CARMIL1: variants seen among roughly 807,000 people sequenced by gnomAD.
The protein encoded by CARMIL1 is capping protein regulator and myosin 1 linker 1.
In CARMIL1, 90 loss-of-function variants were observed where a neutral mutation model predicts 177.1. That is an observed-to-expected ratio of 0.51 (90% confidence interval 0.43 to 0.61). The LOEUF (loss-of-function observed/expected upper bound fraction) is 0.61, where lower values mean the gene tolerates loss of function less well. Among genes scored for constraint, CARMIL1 ranks in the 20% least tolerant of loss-of-function variants. The probability of loss-of-function intolerance (pLI) is 0.00; values close to 1 mark genes in which losing one functional copy is unlikely to be tolerated. For synonymous variants in CARMIL1, 577 were observed against 606.2 expected (o/e 0.95, Z 0.71); for missense variants, 1,380 against 1,667.0 (o/e 0.83, Z 3.00).
At chr6:25,530,767 A>G (rs1237064495) in intron 24 of CARMIL1, among the ~76,000 whole-genome samples, 1 of 152,192 alleles carries the variant, frequency 6.6e-6, no homozygotes, top group African/African-American at 2.4e-5. Context: ...GATAGCAGAG[A>G]TGAAATCGTA....
At chr6:25,411,908 G>C (rs1401508653) in intron 2 of CARMIL1, among the ~76,000 whole-genome samples, 1 of 152,304 alleles carries the variant, frequency 6.6e-6, no homozygotes, top group African/African-American at 2.4e-5. Context: ...CACCCAAAAA[G>C]AGTGGGGCTG....
intron 2 of CARMIL1, among the ~76,000 whole-genome samples, chr6:25,368,648 A>T (rs77693901): frequency 0.082 from 12,518 of 152,248 alleles, 523 homozygotes; most frequent in East Asian, 0.15. Flanking sequence ...TCTGTGAATC[A>T]CCCTAAAATC....
chr6:25,501,212 T>C (rs1804292496), intron 17 of CARMIL1, among the ~76,000 whole-genome samples: 1 of 152,156 alleles, frequency 6.6e-6, no homozygotes, highest in Admixed American at 6.5e-5. Context: ...TTCCCAGGAA[T>C]GGAGATGGAA....
intron 20 of CARMIL1, 135 bp downstream of exon 20, chr6:25,510,897 T>G (rs1805394624): frequency 3.3e-6 from 2 of 608,072 alleles, no homozygotes; most frequent in Non-Finnish European, 5.7e-6. Flanking sequence ...TTTTTAAAAA[T>G]GGAATAAATA....
At chr6:25,510,939 A>C (rs997348351) in intron 20 of CARMIL1, among the ~76,000 whole-genome samples, 177 bp downstream of exon 20, 2 of 119,278 alleles carry the variant, frequency 1.7e-5, no homozygotes, top group Non-Finnish European at 3.6e-5. Context: ...TGTATTTAAA[A>C]ACTTTTTTTA....
At chr6:25,440,623 G>A (rs1039230492) in intron 5 of CARMIL1, among the ~76,000 whole-genome samples, 1 of 152,106 alleles carries the variant, frequency 6.6e-6, no homozygotes, top group East Asian at 1.9e-4. Context: ...GTTGGTAACC[G>A]TATCTTTTCT....
intron 17 of CARMIL1, among the ~76,000 whole-genome samples, chr6:25,504,185 A>G (rs1483079469): frequency 6.6e-6 from 1 of 152,200 alleles, no homozygotes; most frequent in Non-Finnish European, 1.5e-5. Flanking sequence ...TCACATTAGT[A>G]TGAGTGTTAT....
chr6:25,361,563 A>G (rs1338109620), intron 2 of CARMIL1, among the ~76,000 whole-genome samples: 2 of 152,180 alleles, frequency 1.3e-5, no homozygotes, highest in African/African-American at 4.8e-5. Context: ...CTTGGTATGA[A>G]AGGCTTTGTA....
chr6:25,300,509 T>TACAAAAATTAATGGAGC (rs577056066), intron 2 of CARMIL1, among the ~76,000 whole-genome samples: 6 of 152,016 alleles, frequency 3.9e-5, no homozygotes, highest in African/African-American at 1.4e-4. Flanking sequence ...TCTGCTAAAA[T>TACAAAAATTAATGGAGC]ATGGAGGCAC....
At chr6:25,386,622 C>T (rs572010559) in intron 2 of CARMIL1, among the ~76,000 whole-genome samples, 77 of 152,166 alleles carry the variant, frequency 5.1e-4, no homozygotes, top group African/African-American at 1.7e-3. Flanking sequence ...TGAAAACGAA[C>T]ACCGCCCAGG....
At chr6:25,502,096 G>A (rs1210842867) in intron 17 of CARMIL1, among the ~76,000 whole-genome samples, 1 of 148,546 alleles carries the variant, frequency 6.7e-6, no homozygotes, top group Non-Finnish European at 1.5e-5. Flanking sequence ...TATAAAAACA[G>A]ACTATAAAGT....
chr6:25,349,457 G>A (rs1363441188), intron 2 of CARMIL1, among the ~76,000 whole-genome samples: 1 of 152,206 alleles, frequency 6.6e-6, no homozygotes, highest in Non-Finnish European at 1.5e-5. Context: ...GTTGGGACTG[G>A]GAGACATTCT....
chr6:25,342,205 G>C (rs900952497), intron 2 of CARMIL1, among the ~76,000 whole-genome samples: 1 of 152,160 alleles, frequency 6.6e-6, no homozygotes, highest in African/African-American at 2.4e-5. Flanking sequence ...ATGTGATTTG[G>C]TATCTTTGAA....
chr6:25,497,942 G>T (rs528167116), intron 16 of CARMIL1, among the ~76,000 whole-genome samples: 71 of 152,178 alleles, frequency 4.7e-4, no homozygotes, highest in Non-Finnish European at 8.2e-4. Context: ...ATTTCAAGGG[G>T]GTTTAGAGAA....
At chr6:25,318,915 T>C (rs1784479408) in intron 2 of CARMIL1, among the ~76,000 whole-genome samples, 1 of 152,214 alleles carries the variant, frequency 6.6e-6, no homozygotes, top group Non-Finnish European at 1.5e-5. Context: ...TCTTTGGACC[T>C]GAAATGGGAC....
intron 32 of CARMIL1, among the ~76,000 whole-genome samples, chr6:25,595,749 GT>G (rs1438522576): frequency 6.6e-6 from 1 of 152,152 alleles, no homozygotes; most frequent in Non-Finnish European, 1.5e-5. Flanking sequence ...AGGTGAATGT[GT>G]TTTCAATGTA....
chr6:25,459,147 G>A (rs141802826), intron 8 of CARMIL1, among the ~76,000 whole-genome samples: 1,696 of 151,434 alleles, frequency 0.011, 34 homozygotes, highest in Middle Eastern at 0.034. Context: ...ATTCTTTAGA[G>A]TTTTAAGGGA....
intron 2 of CARMIL1, among the ~76,000 whole-genome samples, chr6:25,301,770 A>G (rs887842183): frequency 1.3e-5 from 2 of 152,236 alleles, no homozygotes; most frequent in Non-Finnish European, 2.9e-5. Context: ...TCTGTATTAC[A>G]GGAGAGAATG....
intron 2 of CARMIL1, among the ~76,000 whole-genome samples, chr6:25,402,330 G>A (rs967104908): frequency 2.0e-5 from 3 of 152,160 alleles, no homozygotes; most frequent in African/African-American, 7.2e-5. Flanking sequence ...CATTTTGAAT[G>A]ACAGTGTTAG....
Sources: gnomAD v4.1 joint callset for allele counts (sites outside exome capture counted in the v4.1 genomes callset) on GRCh38, gnomAD v4.1.1 for gene constraint, MANE v1.5 for transcripts, NCBI Gene and HGNC (gene_info 2026-07-23, HGNC 2026-07-21) for gene names.